CCBE1: variants seen among roughly 807,000 people sequenced by gnomAD.
CCBE1 encodes collagen and calcium-binding EGF domain-containing protein 1.
CCBE1 carries 37 observed loss-of-function variants against 50.0 expected under a neutral mutation model. The ratio of observed to expected loss-of-function variants is 0.74; its 90% CI spans 0.57 to 0.97. The LOEUF is 0.97. Among genes scored for constraint, CCBE1 ranks in the 50% least tolerant of loss-of-function variants. The probability of loss-of-function intolerance (pLI) is 0.00; values close to 1 mark genes in which losing one functional copy is unlikely to be tolerated. For missense variants in CCBE1, 538 were observed against 523.8 expected (o/e 1.03, Z -0.26); for synonymous variants, 234 against 203.7 (o/e 1.15, Z -1.27).
chr18:59,628,655 C>A (rs971810044), intron 2 of CCBE1, among the ~76,000 whole-genome samples: 1 of 152,160 alleles, frequency 6.6e-6, no homozygotes, highest in Non-Finnish European at 1.5e-5. Flanking sequence ...TCTAATCTAA[C>A]CTGAGACAAT....
intron 7 of CCBE1, among the ~76,000 whole-genome samples, chr18:59,442,033 T>C (rs747439170): frequency 3.3e-5 from 5 of 152,190 alleles, no homozygotes; most frequent in Non-Finnish European, 5.9e-5. Flanking sequence ...AATTGCCCCA[T>C]AGTCCCATCC....
intron 2 of CCBE1, among the ~76,000 whole-genome samples, chr18:59,533,478 T>C (rs557394198): frequency 3.3e-5 from 5 of 152,332 alleles, no homozygotes; most frequent in Non-Finnish European, 7.4e-5. Flanking sequence ...CTTTTCAAAA[T>C]TTTATATTCA....
chr18:59,444,652 G>GGACT (rs530041810), intron 7 of CCBE1, among the ~76,000 whole-genome samples: 98 of 151,790 alleles, frequency 6.5e-4, no homozygotes, highest in Admixed American at 6.0e-3. Flanking sequence ...TGAGTAGCTG[G>GGACT]GACTATAGCC....
At chr18:59,500,815 T>C (rs1913583825) in intron 2 of CCBE1, among the ~76,000 whole-genome samples, 1 of 152,168 alleles carries the variant, frequency 6.6e-6, no homozygotes. Flanking sequence ...CCAAAGACTG[T>C]TCCTACTGCT....
intron 2 of CCBE1, among the ~76,000 whole-genome samples, chr18:59,598,807 A>T (rs148149892): frequency 1.9e-3 from 285 of 151,610 alleles, no homozygotes; most frequent in African/African-American, 6.7e-3. Flanking sequence ...CTTTTTGAAA[A>T]CCCTCTCTAC....
intron 2 of CCBE1, among the ~76,000 whole-genome samples, chr18:59,504,820 C>T (rs1301473579): frequency 6.6e-6 from 1 of 152,152 alleles, no homozygotes; most frequent in African/African-American, 2.4e-5. Flanking sequence ...CTCTGGCTCT[C>T]TAAGCCAAGC....
intron 3 of CCBE1, among the ~76,000 whole-genome samples, chr18:59,475,579 G>A (rs1184111774): frequency 1.3e-5 from 2 of 152,054 alleles, no homozygotes; most frequent in Non-Finnish European, 2.9e-5. Context: ...ATCTTATCCA[G>A]TTTTTCAAGA....
rs140136889 is a variant in CCBE1 at position 59,693,932 on chromosome 18, C to T, written c.212+2697G>A. Reference sequence around the variant, plus strand: ...CTGTCACCAGACTGGAATGCAGTGGCGAGATCTCAGCTCACTGCAACCTCC... The same window carrying T: ...CTGTCACCAGACTGGAATGCAGTGGTGAGATCTCAGCTCACTGCAACCTCC... On this transcript the variant is annotated intron_variant, in intron 2 of 10. Coordinates refer to ENST00000439986, the MANE Select transcript of CCBE1 (RefSeq NM_133459.4). Among the ~76,000 whole-genome samples the T allele has an allele frequency of 5.5e-3, 634 of 116,048 alleles. 3 individuals are homozygous for T. The highest frequency in any genetic ancestry group is 0.019 in the South Asian group (63 of 3,344). 76.1% of individuals were successfully genotyped at this position (116,048 alleles called of 152,430 possible).
chr18:59,593,792 G>T (rs1214960719), intron 2 of CCBE1, among the ~76,000 whole-genome samples: 1 of 152,240 alleles, frequency 6.6e-6, no homozygotes, highest in Non-Finnish European at 1.5e-5. Flanking sequence ...TGTATAAATT[G>T]TAACTGATTA....
At position 59,644,130 on chromosome 18, in the gene CCBE1, G is replaced by C. The variant is rs2054025671; in HGVS notation, c.212+52499C>G. Among the ~76,000 whole-genome samples, 3 of 152,282 alleles carry C rather than the reference G, an allele frequency of 2.0e-5. No individual in the cohort carries two copies. The South Asian group carries it at 6.2e-4, about 32-fold the overall frequency. On this transcript the variant is annotated intron_variant, in intron 2 of 10. Coordinates refer to ENST00000439986, the MANE Select transcript of CCBE1 (RefSeq NM_133459.4). ...GAAACTGTTCCGCCTTAGATCATGA[G>C]GCATTTATTAGATTCTCACAAGGAA...
chr18:59,577,699 T>A (rs2053020197), intron 2 of CCBE1, among the ~76,000 whole-genome samples: 1 of 152,176 alleles, frequency 6.6e-6, no homozygotes, highest in African/African-American at 2.4e-5. Flanking sequence ...AGTTGTAGTG[T>A]TACTGTATGA....
chr18:59,628,903 A>T (rs2053819497), intron 2 of CCBE1, among the ~76,000 whole-genome samples: 1 of 152,158 alleles, frequency 6.6e-6, no homozygotes, highest in African/African-American at 2.4e-5. Flanking sequence ...ACCACTTTTA[A>T]AACACTCAAA....
intron 2 of CCBE1, among the ~76,000 whole-genome samples, chr18:59,487,183 G>C (rs1250745586): frequency 6.7e-6 from 1 of 149,950 alleles, no homozygotes; most frequent in African/African-American, 2.5e-5. Context: ...AGACTTCCGA[G>C]ACATAAAAAC....
intron 2 of CCBE1, among the ~76,000 whole-genome samples, chr18:59,662,372 C>T (rs1038836411): frequency 6.6e-6 from 1 of 152,216 alleles, no homozygotes; most frequent in Non-Finnish European, 1.5e-5. Flanking sequence ...GTACATCAAT[C>T]TGCAAATTTA....
At chr18:59,574,403 T>C (rs1211206438) in intron 2 of CCBE1, among the ~76,000 whole-genome samples, 1 of 152,186 alleles carries the variant, frequency 6.6e-6, no homozygotes, top group Non-Finnish European at 1.5e-5. Context: ...TTACAGGAAA[T>C]GAATGGCCAA....
chr18:59,589,751 A>G (rs1314215816), intron 2 of CCBE1, among the ~76,000 whole-genome samples: 2 of 140,602 alleles, frequency 1.4e-5, no homozygotes, highest in East Asian at 4.6e-4. Context: ...GTGAGCCGAG[A>G]TTGCGCCACT....
At chr18:59,671,081 T>G (rs1320893372) in intron 2 of CCBE1, among the ~76,000 whole-genome samples, 1 of 152,190 alleles carries the variant, frequency 6.6e-6, no homozygotes, top group Non-Finnish European at 1.5e-5. Context: ...AAAGGACAGT[T>G]GAATATACTT....
chr18:59,648,003 A>G (rs1401937065), intron 2 of CCBE1, among the ~76,000 whole-genome samples: 1 of 152,244 alleles, frequency 6.6e-6, no homozygotes, highest in Admixed American at 6.5e-5. Flanking sequence ...CCATATGTGA[A>G]CAAATCCTTA....
At chr18:59,586,820 A>G (rs996896439) in intron 2 of CCBE1, among the ~76,000 whole-genome samples, 3 of 152,244 alleles carry the variant, frequency 2.0e-5, no homozygotes, top group African/African-American at 7.2e-5. Flanking sequence ...GAAATCCAGT[A>G]AGAAACACCT....
Sources: allele counts gnomAD v4.1 joint callset (sites outside exome capture counted in the v4.1 genomes callset), GRCh38; gene constraint gnomAD v4.1.1; transcripts MANE v1.5; gene names NCBI Gene and HGNC (gene_info 2026-07-23, HGNC 2026-07-21).